PITPNC1: variants seen among roughly 807,000 people sequenced by gnomAD.
PITPNC1 encodes cytoplasmic phosphatidylinositol transfer protein 1.
Under a neutral mutation model 44.7 loss-of-function variants are expected in PITPNC1, and 18 were observed. That is an observed-to-expected ratio of 0.40 (90% CI 0.28 to 0.60). The LOEUF (loss-of-function observed/expected upper bound fraction) is 0.60. Ranked by LOEUF, PITPNC1 falls within the 20% of genes least tolerant of loss-of-function variation. The pLI, the probability that PITPNC1 is intolerant of heterozygous loss-of-function variation, is 0.39. For missense variants in PITPNC1, 290 were observed against 418.4 expected (o/e 0.69, Z 2.68); for synonymous variants, 141 against 149.6 (o/e 0.94, Z 0.42).
At chr17:67,444,790 G>A (rs867418236) in intron 1 of PITPNC1, among the ~76,000 whole-genome samples, 8 of 151,946 alleles carry the variant, frequency 5.3e-5, no homozygotes, top group Non-Finnish European at 8.8e-5. Flanking sequence ...CCAGCTACTC[G>A]GGAGGCTGAG....
intron 2 of PITPNC1, among the ~76,000 whole-genome samples, chr17:67,544,933 G>C (rs1466919735): frequency 6.6e-6 from 1 of 152,082 alleles, no homozygotes; most frequent in Non-Finnish European, 1.5e-5. Context: ...TGACCAAATA[G>C]CTCATTTTCA....
chr17:67,598,078 T>A (rs2041483120), intron 5 of PITPNC1, among the ~76,000 whole-genome samples: 1 of 151,760 alleles, frequency 6.6e-6, no homozygotes, highest in African/African-American at 2.4e-5. Flanking sequence ...AAAAATTAGC[T>A]GGGAGTAGTG....
At chr17:67,465,676 G>A (rs980848450) in intron 1 of PITPNC1, among the ~76,000 whole-genome samples, 1 of 152,154 alleles carries the variant, frequency 6.6e-6, no homozygotes, top group Non-Finnish European at 1.5e-5. Flanking sequence ...CCTCTCTGAT[G>A]TTCGGGGCTT....
At chr17:67,437,387 G>A (rs759290345) in intron 1 of PITPNC1, among the ~76,000 whole-genome samples, 8 of 152,124 alleles carry the variant, frequency 5.3e-5, no homozygotes, top group Non-Finnish European at 1.0e-4. Flanking sequence ...AGAAGTTGGG[G>A]TGTTGCAGCC....
chr17:67,418,557 A>G (rs892836315), intron 1 of PITPNC1, among the ~76,000 whole-genome samples: 4 of 147,654 alleles, frequency 2.7e-5, no homozygotes, highest in Non-Finnish European at 6.0e-5. Context: ...CATATTAGGA[A>G]TTTTTTTTTT....
chr17:67,587,635 A>G (rs1001582224), intron 5 of PITPNC1, among the ~76,000 whole-genome samples: 2 of 152,208 alleles, frequency 1.3e-5, no homozygotes, highest in Non-Finnish European at 2.9e-5. Context: ...CCCAGGTCCT[A>G]AGAAGGACCT....
rs1374305226 is a variant in PITPNC1, at chr17:67,543,735, G to T, written c.198-8522G>T. Among the ~76,000 whole-genome samples, 3 of 152,024 alleles carry T rather than the reference G, an allele frequency of 2.0e-5. No individual in the cohort carries two copies. In the South Asian group the frequency reaches 6.2e-4, roughly 32 times the overall value. ...AGATTGTGGGGTTGCTTCATCTTCTGGCCCCCTCCTACAGCATCTGACATA... is the reference window on the plus strand; with the variant it reads ...AGATTGTGGGGTTGCTTCATCTTCTTGCCCCCTCCTACAGCATCTGACATA... On this transcript the variant is annotated intron_variant, in intron 2 of 8. Coordinates refer to ENST00000581322, the MANE Select transcript of PITPNC1 (RefSeq NM_012417.4).
At chr17:67,429,617 G>T (rs977611985) in intron 1 of PITPNC1, among the ~76,000 whole-genome samples, 2 of 151,742 alleles carry the variant, frequency 1.3e-5, no homozygotes, top group African/African-American at 4.8e-5. Flanking sequence ...AGAATCACTT[G>T]AACCTGGGAG....
chr17:67,536,329 A>G (rs1188808356), intron 2 of PITPNC1, among the ~76,000 whole-genome samples: 1 of 152,140 alleles, frequency 6.6e-6, no homozygotes, highest in Admixed American at 6.5e-5. Context: ...CAGTGGTGCA[A>G]TCTCGTGCCT....
At chr17:67,565,936 TGTATACTA>T (rs2040974891) in intron 4 of PITPNC1, among the ~76,000 whole-genome samples, 1 of 152,316 alleles carries the variant, frequency 6.6e-6, no homozygotes, top group Non-Finnish European at 1.5e-5. Context: ...TTTTTCGATG[TGTATACTA>T]GTTTTTCCAT....
chr17:67,404,968 C>G (rs1366492529), intron 1 of PITPNC1, among the ~76,000 whole-genome samples: 1 of 152,132 alleles, frequency 6.6e-6, no homozygotes, highest in Non-Finnish European at 1.5e-5. Context: ...GATTTAGGGC[C>G]AGGCACCGTC....
At position 67,416,668 on chromosome 17, in the gene PITPNC1, G is replaced by T. The variant is rs77946484; in HGVS notation, c.48+38466G>T. ...GCTGTTGCACTGGCATAGGTTCCTG[G>T]CATATTTGAGAAGTACAATTTTTGC... On this transcript the variant is annotated intron_variant, in intron 1 of 8. Coordinates refer to ENST00000581322, the MANE Select transcript of PITPNC1 (RefSeq NM_012417.4). 4.0e-3 allele frequency among the ~76,000 whole-genome samples: 615 copies of T among 152,208 alleles called. 12 individuals carry two copies. The highest frequency in any genetic ancestry group is 0.024 in the Admixed American group (360 of 15,252).
At chr17:67,402,533 T>A (rs2038333464) in intron 1 of PITPNC1, among the ~76,000 whole-genome samples, 1 of 143,982 alleles carries the variant, frequency 6.9e-6, no homozygotes. Flanking sequence ...CTGACAAAGC[T>A]GTCTCTCTAA....
intron 4 of PITPNC1, among the ~76,000 whole-genome samples, chr17:67,554,626 A>G (rs558900832): frequency 6.6e-6 from 1 of 152,246 alleles, no homozygotes. Context: ...GCCAAAGGAT[A>G]GAGAGGTGGT....
chr17:67,449,708 A>C (rs186991907), intron 1 of PITPNC1, among the ~76,000 whole-genome samples: 7 of 152,346 alleles, frequency 4.6e-5, no homozygotes, highest in Admixed American at 3.9e-4. Context: ...AAAGGACAAA[A>C]AGTTGTCATA....
intron 1 of PITPNC1, among the ~76,000 whole-genome samples, chr17:67,407,418 A>G (rs550768545): frequency 1.1e-4 from 17 of 152,284 alleles, no homozygotes; most frequent in African/African-American, 3.4e-4. Flanking sequence ...CCCTCATCAA[A>G]TATTTGATTT....
intron 2 of PITPNC1, among the ~76,000 whole-genome samples, chr17:67,546,076 C>T (rs1012752953): frequency 6.6e-6 from 1 of 151,916 alleles, no homozygotes; most frequent in African/African-American, 2.4e-5. Context: ...GCCTGTAGTC[C>T]CAGCTACTCG....
chr17:67,616,945 T>A (rs1028675071), intron 5 of PITPNC1, among the ~76,000 whole-genome samples: 32 of 152,324 alleles, frequency 2.1e-4, no homozygotes, highest in African/African-American at 7.7e-4. Flanking sequence ...TATCTGTTGT[T>A]TTGAATTTTC....
At chr17:67,431,507 A>G (rs1465182435) in intron 1 of PITPNC1, among the ~76,000 whole-genome samples, 1 of 152,192 alleles carries the variant, frequency 6.6e-6, no homozygotes, top group Non-Finnish European at 1.5e-5. Flanking sequence ...ATATTCCTTG[A>G]TAGTACAATG....
Sources: gnomAD v4.1 joint callset for allele counts (sites outside exome capture counted in the v4.1 genomes callset) on GRCh38, gnomAD v4.1.1 for gene constraint, MANE v1.5 for transcripts, NCBI Gene and HGNC (gene_info 2026-07-23, HGNC 2026-07-21) for gene names.